TARS1: variants seen among roughly 807,000 people sequenced by gnomAD.
TARS1 encodes the protein threonyl-tRNA synthetase 1.
A neutral mutation model predicts 97.7 loss-of-function variants in TARS1; 57 were observed. The observed-to-expected ratio is 0.58, with a 90% confidence interval of 0.47 to 0.73. The LOEUF (loss-of-function observed/expected upper bound fraction) is 0.73. TARS1 is among the 30% of genes least tolerant of loss of function. The pLI is 0.00. For missense variants in TARS1, 806 were observed against 888.3 expected, an observed-to-expected ratio of 0.91 and a Z score of 1.18; for synonymous variants, 312 against 293.7, an observed-to-expected ratio of 1.06 and a Z score of -0.64.
At chr5:33,443,338 T>C (rs1398677554) in intron 1 of TARS1, among the ~76,000 whole-genome samples, 1 of 150,640 alleles carries the variant, frequency 6.6e-6, no homozygotes, top group Non-Finnish European at 1.5e-5. Context: ...TCTCTCTCTC[T>C]CTCTCTCTCT....
chr5:33,457,951 T>C (rs1171992935), intron 9 of TARS1, among the ~76,000 whole-genome samples: 1 of 152,200 alleles, frequency 6.6e-6, no homozygotes, highest in Non-Finnish European at 1.5e-5. Context: ...AAGCTTGAGC[T>C]GGAGGTAGCA....
chr5:33,459,740 A>T lies in TARS1; in HGVS notation c.1129A>T (p.Ile377Phe), dbSNP rs1280205591. 6.2e-7 allele frequency: 1 copy of T among 1,614,182 alleles called. No individual in the cohort carries two copies. The highest frequency in any genetic ancestry group is 8.5e-7 in the Non-Finnish European group (1 of 1,180,024). The change falls in exon 11 of 19, where the codon ATC becomes TTC. Residue 377 changes from isoleucine to phenylalanine, a missense_variant. Transcript: ENST00000265112. ...RGFQEVVTPN[I>F]FNSRLWMTSG... Reference sequence around the variant, plus strand: ...ATTCCAGGAGGTAGTCACCCCAAACATCTTCAACAGCCGACTCTGGATGAC... The same window carrying T: ...ATTCCAGGAGGTAGTCACCCCAAACTTCTTCAACAGCCGACTCTGGATGAC...
At chr5:33,452,547 C>A in intron 3 of TARS1, 2 of 761,684 alleles carry the variant, frequency 2.6e-6, no homozygotes, top group Non-Finnish European at 4.3e-6. Flanking sequence ...TATTTCATCA[C>A]TTGATGATAC....
intron 1 of TARS1, among the ~76,000 whole-genome samples, chr5:33,443,172 G>A (rs1187071462): frequency 1.3e-5 from 2 of 152,134 alleles, no homozygotes; most frequent in Non-Finnish European, 1.5e-5. Context: ...AGGCCTCAGG[G>A]TTCCAGAGAG....
In TARS1 at chr5:33,455,720, G is replaced by C; in HGVS notation, c.693+16G>C. ...AATGTTTAAGGTAAATTGAACCATA[G>C]TGCGTGGCCCCCACTGTTAATATCA... is the stretch of plus-strand genomic sequence containing the variant. On this transcript the variant is annotated intron_variant, in intron 6 of 18. Coordinates refer to ENST00000265112, the MANE Select transcript of TARS1 (RefSeq NM_152295.5). 6.6e-7 allele frequency: 1 copy of C among 1,521,942 alleles called. No individual in the cohort carries two copies. Among genetic ancestry groups the C allele is most frequent in the Non-Finnish European group, 9.1e-7 (1 of 1,098,058 alleles). 94.3% of individuals were successfully genotyped at this position (1,521,942 alleles called of 1,614,324 possible).
At chr5:33,443,368 CCT>C (rs1180325901) in intron 1 of TARS1, among the ~76,000 whole-genome samples, 1 of 134,004 alleles carries the variant, frequency 7.5e-6, no homozygotes, top group Non-Finnish European at 1.5e-5. Flanking sequence ...TCTCACTACC[CCT>C]GTTCATTTGG....
At position 33,455,589 on chromosome 5, in the gene TARS1, G is replaced by A. The variant is rs554023622; in HGVS notation, c.578G>A (p.Gly193Asp). 7 of 1,595,740 alleles carry A rather than the reference G, an allele frequency of 4.4e-6. No individual in the cohort carries two copies. Among genetic ancestry groups the A allele is most frequent in the Non-Finnish European group, 6.0e-6 (7 of 1,166,994 alleles). ...GATTATACTTTCTTCTCCTTCAGGGGTGTGTCTAGCAATGATTTCTCTTCT... is the reference window on the plus strand; with the variant it reads ...GATTATACTTTCTTCTCCTTCAGGGATGTGTCTAGCAATGATTTCTCTTCT... ...FYYDMYLEEG[G>D]VSSNDFSSLE... Residue 193 changes from glycine (G) to aspartate (D), a missense_variant and splice_region_variant, in exon 6 of 19, where the codon GGT becomes GAT. Coordinates refer to ENST00000265112, the MANE Select transcript of TARS1 (RefSeq NM_152295.5).
At chr5:33,445,025 G>T (rs751541293) in intron 1 of TARS1, among the ~76,000 whole-genome samples, 6 of 152,038 alleles carry the variant, frequency 3.9e-5, no homozygotes, top group African/African-American at 1.2e-4. Context: ...CATATGTTTG[G>T]TATGTGGTCC....
Position 33,440,976 on chromosome 5 carries a change from C to G in TARS1, c.-111C>G, listed in dbSNP as rs1741054310. ...TTAGGGCGCCTTTCGATTGCATCAG[C>G]TGGTCCAGCCGAGGCCAAGTCCCGG... On this transcript the variant is annotated 5_prime_UTR_variant, in exon 1 of 19. Transcript: ENST00000265112. The G allele has an allele frequency of 5.8e-6, 8 of 1,377,766 alleles. No homozygotes were observed. The South Asian group carries it at 1.0e-4, about 17-fold the overall frequency. The allele number at this position is 1,377,766 out of a possible 1,614,324, so 85.3% of individuals were successfully genotyped here. A position where few individuals can be genotyped will look rare whatever the true frequency, so the allele number is the denominator to read the frequency against.
At chr5:33,465,291 C>T (rs1742480101) in intron 17 of TARS1, among the ~76,000 whole-genome samples, 1 of 152,170 alleles carries the variant, frequency 6.6e-6, no homozygotes, top group Non-Finnish European at 1.5e-5. Context: ...ACTGAGTTCT[C>T]AACTGGAGAC....
upstream of TARS1, chr5:33,440,766 T>C (rs1741035761): frequency 6.3e-6 from 3 of 473,458 alleles, no homozygotes; most frequent in South Asian, 8.5e-5. Flanking sequence ...CTGGAAAGCG[T>C]CCAGACCAAG....
chr5:33,465,923 C>T (rs923349391), intron 17 of TARS1: 4 of 152,186 alleles, frequency 2.6e-5, no homozygotes, highest in African/African-American at 9.7e-5. Flanking sequence ...ATGATAGTTA[C>T]TATTTCACCT....
At chr5:33,446,003 A>G (rs1403546344) in intron 2 of TARS1, 1 of 153,724 alleles carries the variant, frequency 6.5e-6, no homozygotes, top group Non-Finnish European at 1.4e-5. Context: ...TTTTACAGGC[A>G]GTTAAGCTTG....
chr5:33,446,792 A>G (rs1741440044), intron 2 of TARS1: 1 of 1,257,836 alleles, frequency 8.0e-7, no homozygotes, highest in African/African-American at 1.5e-5. Flanking sequence ...GATGCTTTAG[A>G]GTGGATGGAA....
At position 33,461,184 on chromosome 5, in the gene TARS1, G is replaced by T; in HGVS notation, c.1440G>T (p.Leu480Phe). The T allele has an allele frequency of 6.2e-7, 1 of 1,607,314 alleles. No individual in the cohort carries two copies. The highest frequency in any genetic ancestry group is 8.5e-7 in the Non-Finnish European group (1 of 1,176,996). ...TTGAAGATGAAATAAAAGGTTGTTT[G>T]GATTTTCTACGTACGGTATATAGCG... ...EQIEDEIKGC[L>F]DFLRTVYSVF... The change falls in exon 13 of 19, where the codon TTG becomes TTT. Residue 480 changes from leucine to phenylalanine, a missense_variant. Physicochemically the swap from Leu to Phe is conservative, Grantham distance 22 (BLOSUM62 0). Around this residue, in one of 3 missense-constraint regions of TARS1, gnomAD observed 446 missense variants for 511.0 expected, o/e 0.87. Coordinates refer to ENST00000265112, the MANE Select transcript of TARS1 (RefSeq NM_152295.5).
chr5:33,458,472 C>A, intron 9 of TARS1, 94 bp from the exon 10 acceptor site: 1 of 995,534 alleles, frequency 1.0e-6, no homozygotes, highest in Non-Finnish European at 1.5e-6. Context: ...ACATCATGAC[C>A]ATATTCTGAG....
chr5:33,444,150 G>A (rs984674760), intron 1 of TARS1, among the ~76,000 whole-genome samples: 4 of 152,132 alleles, frequency 2.6e-5, no homozygotes, highest in Admixed American at 6.6e-5. Flanking sequence ...AAAGAAGCCT[G>A]TCACAAAAGA....
In TARS1 at chr5:33,456,197, G is replaced by A. The variant is rs750213516; in HGVS notation, c.807G>A (p.Thr269=). ...GCCGGGGTCCTCATGTTAGACACAC[G>A]GGCAAAATTAAGGCTTTAAAAATAC... ...DLCRGPHVRH[T]GKIKALKIHK... Residue 269 remains threonine, a synonymous_variant, in exon 8 of 19, where the codon ACG becomes ACA. Transcript: ENST00000265112. The A allele has an allele frequency of 2.9e-5, 47 of 1,613,610 alleles. No individual in the cohort carries two copies. Among genetic ancestry groups the A allele is most frequent in the South Asian group, 2.1e-4 (19 of 91,060 alleles).
At chr5:33,446,579 G>A in intron 2 of TARS1, 1 of 742,740 alleles carries the variant, frequency 1.3e-6, no homozygotes, top group South Asian at 1.4e-5. Context: ...ACAGTGAACT[G>A]TCCAAGACCT....
Sources: gnomAD v4.1 joint callset for allele counts (sites outside exome capture counted in the v4.1 genomes callset) on GRCh38, gnomAD v4.1.1 for gene constraint, gnomAD v4.1.1 regional missense constraint, MANE v1.5 for transcripts, NCBI Gene and HGNC (gene_info 2026-07-23, HGNC 2026-07-21) for gene names.